Variants in FMN2 observed in about 807,000 individuals in gnomAD.
FMN2 encodes formin-2.
FMN2 carries 51 observed loss-of-function variants against 142.3 expected under a neutral mutation model. The observed-to-expected ratio is 0.36, with a 90% CI of 0.29 to 0.45. FMN2 has a LOEUF of 0.45. Ranked by LOEUF, FMN2 falls within the 20% of genes least tolerant of loss-of-function variation. The pLI is 1.00. For synonymous variants in FMN2, 882 were observed against 869.8 expected (o/e 1.01, Z -0.25); for missense variants, 1,936 against 2,122.8 (o/e 0.91, Z 1.73).
intron 2 of FMN2, among the ~76,000 whole-genome samples, chr1:240,148,428 C>G (rs942238954): frequency 2.1e-5 from 3 of 140,818 alleles, no homozygotes; most frequent in Admixed American, 7.5e-5. Flanking sequence ...AGGAAAGATA[C>G]AGAAAGAGAG....
Position 240,430,982 on chromosome 1 carries a change from T to TAAAAAAA in FMN2, c.4911-7071_4911-7065dup, listed in dbSNP as rs377031896. Among the ~76,000 whole-genome samples the TAAAAAAA allele has an allele frequency of 9.5e-3, 1,341 of 141,526 alleles. 17 individuals are homozygous for TAAAAAAA. Among genetic ancestry groups the TAAAAAAA allele is most frequent in the African/African-American group, 0.033 (1,295 of 38,910 alleles). 92.8% of individuals were successfully genotyped at this position (141,526 alleles called of 152,430 possible). A position where few individuals can be genotyped will look rare whatever the true frequency, so the allele number is the denominator to read the frequency against. On this transcript the variant is annotated intron_variant, in intron 15 of 17. Transcript: ENST00000319653. ...TTTAGAATCAGCATATCAGTCCCTT[T>TAAAAAAA]AAAAAAAAAAAAAACTCTTGATTGG...
intron 4 of FMN2, among the ~76,000 whole-genome samples, chr1:240,197,174 A>G (rs540176681): frequency 6.6e-6 from 1 of 152,150 alleles, no homozygotes; most frequent in African/African-American, 2.4e-5. Flanking sequence ...CCAGTGATGT[A>G]GTTAATCGCA....
chr1:240,214,287 C>G (rs1459026929), intron 6 of FMN2, among the ~76,000 whole-genome samples: 2 of 152,078 alleles, frequency 1.3e-5, no homozygotes, highest in Non-Finnish European at 2.9e-5. Context: ...TGTGGTGGCT[C>G]ACGCCTGTAA....
chr1:240,469,512 A>G (rs1288160637), intron 16 of FMN2, among the ~76,000 whole-genome samples: 2 of 152,150 alleles, frequency 1.3e-5, no homozygotes, highest in African/African-American at 2.4e-5. Context: ...CAGGAATCCT[A>G]TGGCAGCAGA....
At chr1:240,435,047 A>G (rs757008784) in intron 15 of FMN2, among the ~76,000 whole-genome samples, 3 of 152,172 alleles carry the variant, frequency 2.0e-5, no homozygotes, top group Non-Finnish European at 2.9e-5. Flanking sequence ...ACTCATGCCA[A>G]TAATAAGGTT....
chr1:240,413,120 CAAAAAAAAAAAAAAA>C (rs35590068), intron 15 of FMN2, among the ~76,000 whole-genome samples: 10 of 24,584 alleles, frequency 4.1e-4, no homozygotes, highest in Admixed American at 2.8e-3. Flanking sequence ...GAGACTCTGT[CAAAAAAAAAAAAAAA>C]AAAAAAAAAA....
rs1664657014 is a variant in FMN2 at position 240,170,467 on chromosome 1, A to G, written c.1783-7454A>G. 8 of 1,395,258 alleles carry G rather than the reference A, an allele frequency of 5.7e-6. No homozygotes were observed. In the Admixed American group the frequency reaches 1.3e-4, roughly 23 times the overall value. 86.4% of individuals were successfully genotyped at this position (1,395,258 alleles called of 1,614,324 possible). ...CATTTTACATCCCACAGTGTGGAGA[A>G]TGCAAATTTTGTCTAAATCCTAAAA... On this transcript the variant is annotated intron_variant, in intron 2 of 17. Transcript: ENST00000319653.
intron 16 of FMN2, among the ~76,000 whole-genome samples, chr1:240,466,822 C>G (rs1485280036): frequency 6.6e-6 from 1 of 152,178 alleles, no homozygotes; most frequent in Admixed American, 6.5e-5. Context: ...GCTTCCCTAA[C>G]CTTCTCTAGG....
intron 1 of FMN2, among the ~76,000 whole-genome samples, chr1:240,101,978 A>G (rs755755883): frequency 2.0e-5 from 3 of 152,026 alleles, no homozygotes; most frequent in Non-Finnish European, 4.4e-5. Context: ...TTGTTCTTGG[A>G]TGGATTGTAG....
chr1:240,304,190 T>C (rs1409870627), intron 8 of FMN2, among the ~76,000 whole-genome samples: 1 of 152,210 alleles, frequency 6.6e-6, no homozygotes, highest in Admixed American at 6.5e-5. Flanking sequence ...TGTATTGATT[T>C]ATCTTTATCC....
intron 6 of FMN2, among the ~76,000 whole-genome samples, chr1:240,236,606 C>T (rs991133): frequency 1.3e-5 from 2 of 151,956 alleles, no homozygotes; most frequent in Non-Finnish European, 2.9e-5. Context: ...GTTTTACTCA[C>T]GGCAGAAGGT....
At chr1:240,406,199 C>G (rs12071235) in intron 15 of FMN2, among the ~76,000 whole-genome samples, 203 of 14,106 alleles carry the variant, frequency 0.014, no homozygotes, top group African/African-American at 0.026. Flanking sequence ...CCTCGGGAGT[C>G]GGGGGAGCGA....
chr1:240,291,773 A>G (rs1417661628), intron 7 of FMN2, among the ~76,000 whole-genome samples: 2 of 152,070 alleles, frequency 1.3e-5, no homozygotes, highest in Admixed American at 6.6e-5. Flanking sequence ...CGGGGAAGCT[A>G]AAACACAAAT....
chr1:240,256,610 G>A (rs920982330), intron 6 of FMN2, among the ~76,000 whole-genome samples: 1 of 151,622 alleles, frequency 6.6e-6, no homozygotes, highest in Non-Finnish European at 1.5e-5. Context: ...AAATAGCTGG[G>A]CATGGTGGCA....
At position 240,135,030 on chromosome 1, in the gene FMN2, T is replaced by C. The variant is rs1662882683; in HGVS notation, c.1782+11685T>C. On this transcript the variant is annotated intron_variant, in intron 2 of 17. Transcript: ENST00000319653. ...GGTCAGTCTGTGGAAGTATTGCACT[T>C]GAATATTGACATGCGTTGTGCTTAT... Among the ~76,000 whole-genome samples, 2 of 152,292 alleles carry C rather than the reference T, an allele frequency of 1.3e-5. 1 individual carries two copies.
At position 240,092,624 on chromosome 1, in the gene FMN2, G is replaced by T; in HGVS notation, c.515G>T (p.Gly172Val). 6.2e-7 allele frequency: 1 copy of T among 1,614,122 alleles called. No homozygotes were observed. The highest frequency in any genetic ancestry group is 8.5e-7 in the Non-Finnish European group (1 of 1,180,024). Residue 172 changes from glycine to valine, a missense_variant, in exon 1 of 18, where the codon GGA (glycine) becomes GTA (valine). By Grantham distance (109) the Gly-to-Val change is moderately radical. Transcript: ENST00000319653. Reference sequence around the variant, plus strand: ...GAAACTGCAGCAGGGGCGCAGGATGGACAAAGGACCAGCTCGGGCTCGGAC... The same window carrying T: ...GAAACTGCAGCAGGGGCGCAGGATGTACAAAGGACCAGCTCGGGCTCGGAC... Reference protein sequence around the residue: ...DVETAAGAQDGQRTSSGSDTD... With the variant: ...DVETAAGAQDVQRTSSGSDTD...
chr1:240,284,578 A>C (rs1669524229), intron 7 of FMN2, among the ~76,000 whole-genome samples: 1 of 152,128 alleles, frequency 6.6e-6, no homozygotes. Context: ...TCAACTTTAT[A>C]TTGTTTTGTC....
chr1:240,303,421 T>C (rs1419160767), intron 8 of FMN2, among the ~76,000 whole-genome samples: 1 of 152,216 alleles, frequency 6.6e-6, no homozygotes, highest in African/African-American at 2.4e-5. Flanking sequence ...AGGATAGTTT[T>C]ACTGGATATA....
intron 2 of FMN2, among the ~76,000 whole-genome samples, chr1:240,158,422 G>A (rs1418151090): frequency 6.6e-6 from 1 of 152,078 alleles, no homozygotes; most frequent in African/African-American, 2.4e-5. Flanking sequence ...TCTTATCAAT[G>A]CCACAAGGTT....
Sources: allele counts gnomAD v4.1 joint callset (sites outside exome capture counted in the v4.1 genomes callset), GRCh38; gene constraint gnomAD v4.1.1; transcripts MANE v1.5; gene names NCBI Gene and HGNC (gene_info 2026-07-23, HGNC 2026-07-21).